DLG2: variants seen among roughly 807,000 people sequenced by gnomAD.
DLG2 encodes discs large MAGUK scaffold protein 2, also known as disks large homolog 2.
In DLG2, 45 loss-of-function variants were observed where a neutral mutation model predicts 132.5. The ratio of observed to expected loss-of-function variants is 0.34; its 90% CI spans 0.27 to 0.44. DLG2 has a LOEUF of 0.44. Among genes scored for constraint, DLG2 ranks in the 20% least tolerant of loss-of-function variants. The pLI is 1.00. For synonymous variants in DLG2, 424 were observed against 419.6 expected, an observed-to-expected ratio of 1.01 and a Z score of -0.13; for missense variants, 1,045 against 1,196.9, an observed-to-expected ratio of 0.87 and a Z score of 1.87.
At chr11:84,800,107 G>A (rs542606177) in intron 6 of DLG2, among the ~76,000 whole-genome samples, 25 of 152,214 alleles carry the variant, frequency 1.6e-4, no homozygotes, top group Middle Eastern at 6.8e-3. Flanking sequence ...GTTGAGTGGA[G>A]ACTAAAATTT....
intron 17 of DLG2, among the ~76,000 whole-genome samples, chr11:83,805,410 G>A (rs1371561985): frequency 6.6e-6 from 1 of 151,340 alleles, no homozygotes; most frequent in Non-Finnish European, 1.5e-5. Context: ...GATATATCAT[G>A]ACATAATTTT....
intron 3 of DLG2, among the ~76,000 whole-genome samples, chr11:85,475,893 C>G (rs1039088313): frequency 6.6e-6 from 1 of 152,090 alleles, no homozygotes; most frequent in Non-Finnish European, 1.5e-5. Flanking sequence ...TCTCAAGTCC[C>G]AGTTGCTATT....
At chr11:84,329,531 T>A (rs537391857) in intron 7 of DLG2, among the ~76,000 whole-genome samples, 72 of 152,340 alleles carry the variant, frequency 4.7e-4, no homozygotes, top group South Asian at 2.5e-3. Flanking sequence ...AATGCTTGCT[T>A]CCTCTTCTGC....
chr11:84,925,564 T>G (rs754975975), intron 6 of DLG2, among the ~76,000 whole-genome samples: 11 of 152,108 alleles, frequency 7.2e-5, no homozygotes, highest in Non-Finnish European at 1.5e-4. Flanking sequence ...AATGGCAATG[T>G]CCCACTAAAG....
intron 6 of DLG2, among the ~76,000 whole-genome samples, chr11:85,054,223 C>A (rs1351885464): frequency 6.6e-6 from 1 of 151,036 alleles, no homozygotes; most frequent in Admixed American, 6.6e-5. Context: ...CGAGATCATA[C>A]CACTGCACTC....
At chr11:84,210,583 A>C (rs1464585375) in intron 8 of DLG2, among the ~76,000 whole-genome samples, 3 of 152,136 alleles carry the variant, frequency 2.0e-5, no homozygotes, top group Non-Finnish European at 4.4e-5. Flanking sequence ...AAAGCAAAAA[A>C]CTGCAAACAA....
chr11:84,463,944 C>T (rs999341333), intron 7 of DLG2, among the ~76,000 whole-genome samples: 1 of 151,198 alleles, frequency 6.6e-6, no homozygotes, highest in South Asian at 2.1e-4. Context: ...CCCTCCACTT[C>T]GGGCATAAAC....
chr11:83,730,720 G>A (rs949405020), intron 18 of DLG2, among the ~76,000 whole-genome samples: 3 of 152,102 alleles, frequency 2.0e-5, no homozygotes, highest in African/African-American at 7.2e-5. Context: ...GAGACTCAAA[G>A]TCCTTTTCCT....
Position 84,187,021 on chromosome 11 carries a change from C to T in DLG2, c.574-23510G>A, listed in dbSNP as rs558340441. ...AAAGAAGTATGGTAAGTGTTAAGGG[C>T]GTTAATAAAGTACACTTCACACTGA... On this transcript the variant is annotated intron_variant, in intron 8 of 27. Transcript: ENST00000376104. Among the ~76,000 whole-genome samples, 10 of 151,616 alleles carry T rather than the reference C, an allele frequency of 6.6e-5. No individual in the cohort carries two copies. The East Asian group carries it at 1.5e-3, about 23-fold the overall frequency.
chr11:83,539,262 A>G (rs1049857471), intron 20 of DLG2, among the ~76,000 whole-genome samples: 3 of 152,200 alleles, frequency 2.0e-5, no homozygotes, highest in Admixed American at 1.3e-4. Context: ...GGGATGATTA[A>G]ATGACATTAT....
intron 18 of DLG2, chr11:83,724,729 C>A: frequency 1.6e-6 from 1 of 629,282 alleles, no homozygotes; most frequent in East Asian, 2.7e-5. Context: ...TAACAAACGG[C>A]AGGGAAAGGC....
At chr11:83,722,788 G>C (rs538298153) in intron 18 of DLG2, among the ~76,000 whole-genome samples, 2 of 152,266 alleles carry the variant, frequency 1.3e-5, no homozygotes, top group East Asian at 1.9e-4. Flanking sequence ...TTAGTCCCCA[G>C]AGCCACAGAA....
At chr11:85,328,742 C>G (rs1473899149) in intron 3 of DLG2, among the ~76,000 whole-genome samples, 1 of 151,264 alleles carries the variant, frequency 6.6e-6, no homozygotes, top group African/African-American at 2.4e-5. Flanking sequence ...TCTCACCGCT[C>G]CTATTCAACA....
intron 6 of DLG2, among the ~76,000 whole-genome samples, chr11:84,594,549 C>G (rs899714852): frequency 5.3e-5 from 8 of 152,116 alleles, no homozygotes; most frequent in Admixed American, 5.2e-4. Context: ...AATGAAAGAA[C>G]AAAGTAGCAG....
intron 7 of DLG2, among the ~76,000 whole-genome samples, chr11:84,442,799 C>T (rs1302919510): frequency 4.6e-5 from 7 of 151,858 alleles, no homozygotes; most frequent in African/African-American, 7.2e-5. Context: ...TACTGATTTT[C>T]GGTATTTATA....
At chr11:85,219,854 G>A (rs2082898818) in intron 4 of DLG2, among the ~76,000 whole-genome samples, 1 of 151,536 alleles carries the variant, frequency 6.6e-6, no homozygotes, top group Non-Finnish European at 1.5e-5. Context: ...CAACTGGAGA[G>A]AGGAGAATCT....
chr11:83,837,723 C>CAAAAAAAAAAAAACAA (rs2056582193), intron 16 of DLG2, among the ~76,000 whole-genome samples: 1 of 45,946 alleles, frequency 2.2e-5, no homozygotes, highest in African/African-American at 9.7e-5. Flanking sequence ...ACATAGCAAG[C>CAAAAAAAAAAAAACAA]AAAAAAAAAA....
At chr11:83,680,924 T>C (rs2078677403) in intron 18 of DLG2, among the ~76,000 whole-genome samples, 2 of 151,968 alleles carry the variant, frequency 1.3e-5, no homozygotes, top group Admixed American at 1.3e-4. Flanking sequence ...CTAAAATGAG[T>C]TGCTTTCTTT....
At chr11:84,379,860 C>G (rs186690361) in intron 7 of DLG2, among the ~76,000 whole-genome samples, 45 of 151,830 alleles carry the variant, frequency 3.0e-4, no homozygotes, top group African/African-American at 8.0e-4. Flanking sequence ...CAATAAGCCC[C>G]AACAGCATTT....
Sources: gnomAD v4.1 joint callset for allele counts (sites outside exome capture counted in the v4.1 genomes callset) on GRCh38, gnomAD v4.1.1 for gene constraint, MANE v1.5 for transcripts, NCBI Gene and HGNC (gene_info 2026-07-23, HGNC 2026-07-21) for gene names.